The following NREP variants were observed in gnomAD, a reference collection of about 807,000 sequenced individuals.
NREP encodes neuronal regeneration related protein.
A neutral mutation model predicts 8.6 loss-of-function variants in NREP; 5 were observed. The ratio of observed to expected loss-of-function variants is 0.58; its 90% CI spans 0.30 to 1.22. The LOEUF (loss-of-function observed/expected upper bound fraction) is 1.22. Among genes scored for constraint, NREP ranks in the 50% most tolerant of loss-of-function variants. NREP has a pLI of 0.07. For synonymous variants in NREP, 27 were observed against 28.0 expected, an observed-to-expected ratio of 0.96 and a Z score of 0.11; for missense variants, 86 against 82.5, an observed-to-expected ratio of 1.04 and a Z score of -0.17.
chr5:111,883,269 C>T (rs988737039), intron 2 of NREP, among the ~76,000 whole-genome samples: 1 of 152,174 alleles, frequency 6.6e-6, no homozygotes, highest in Admixed American at 6.5e-5. Context: ...ATGAGAAGAG[C>T]TAACTATCCT....
intron 2 of NREP, among the ~76,000 whole-genome samples, chr5:111,889,163 C>T (rs542120169): frequency 1.3e-5 from 2 of 152,302 alleles, no homozygotes; most frequent in African/African-American, 4.8e-5. Context: ...GCAGGCTGTA[C>T]AGAAAGCATA....
chr5:111,944,589 G>T (rs1344063175), intron 2 of NREP, among the ~76,000 whole-genome samples: 1 of 152,168 alleles, frequency 6.6e-6, no homozygotes, highest in Non-Finnish European at 1.5e-5. Context: ...TTACAGGCAT[G>T]GGCCATGACA....
intron 2 of NREP, among the ~76,000 whole-genome samples, chr5:111,873,513 T>A (rs1027808307): frequency 1.3e-5 from 2 of 152,208 alleles, no homozygotes; most frequent in African/African-American, 4.8e-5. Flanking sequence ...TCTTGCTGGC[T>A]GTAAACTGAA....
At chr5:111,772,614 GCAA>G (rs1386879086) in intron 2 of NREP, among the ~76,000 whole-genome samples, 1 of 151,942 alleles carries the variant, frequency 6.6e-6, no homozygotes, top group Non-Finnish European at 1.5e-5. Flanking sequence ...CAGAGAAGCA[GCAA>G]CAAGTCCTCT....
chr5:111,827,992 A>C (rs1263226178), intron 2 of NREP, among the ~76,000 whole-genome samples: 1 of 152,056 alleles, frequency 6.6e-6, no homozygotes, highest in Non-Finnish European at 1.5e-5. Flanking sequence ...CACCTTTTGT[A>C]TTTTTAGGTA....
At chr5:111,866,868 C>T (rs1753677708) in intron 2 of NREP, among the ~76,000 whole-genome samples, 1 of 151,836 alleles carries the variant, frequency 6.6e-6, no homozygotes, top group South Asian at 2.1e-4. Flanking sequence ...AGCTGGAAAC[C>T]ATCATTCTCA....
chr5:111,952,148 C>T (rs1439079730), intron 2 of NREP, among the ~76,000 whole-genome samples: 1 of 152,074 alleles, frequency 6.6e-6, no homozygotes, highest in Non-Finnish European at 1.5e-5. Flanking sequence ...AGTGTTTTCC[C>T]AGAAGCCTTT....
downstream of NREP, chr5:111,729,023 G>A (rs1245631038): frequency 4.0e-5 from 6 of 150,674 alleles, no homozygotes; most frequent in African/African-American, 1.5e-4. Flanking sequence ...TGCCTTGGAA[G>A]GGAGAAAAAG....
intron 2 of NREP, among the ~76,000 whole-genome samples, chr5:111,752,487 T>A (rs1023669604): frequency 2.0e-5 from 3 of 152,208 alleles, no homozygotes; most frequent in African/African-American, 7.2e-5. Context: ...CTAAGCCCAA[T>A]GGTACAAGCT....
intron 2 of NREP, among the ~76,000 whole-genome samples, chr5:111,913,471 T>C (rs1480706319): frequency 6.6e-6 from 1 of 152,068 alleles, no homozygotes; most frequent in Non-Finnish European, 1.5e-5. Flanking sequence ...TATATTTTGA[T>C]GTGAGAAAAG....
chr5:111,793,308 A>G (rs1485582276), intron 2 of NREP, among the ~76,000 whole-genome samples: 1 of 152,160 alleles, frequency 6.6e-6, no homozygotes, highest in Non-Finnish European at 1.5e-5. Context: ...CGCCATCTGC[A>G]AGCTGGAGAA....
At chr5:111,904,998 ATCTC>A (rs143311439) in intron 2 of NREP, among the ~76,000 whole-genome samples, 1 of 150,792 alleles carries the variant, frequency 6.6e-6, no homozygotes, top group Non-Finnish European at 1.5e-5. Context: ...TATTCCCCAT[ATCTC>A]TCTCTCTCTC....
At chr5:111,956,107 G>C (rs193258787) in intron 2 of NREP, among the ~76,000 whole-genome samples, 2 of 152,022 alleles carry the variant, frequency 1.3e-5, no homozygotes, top group South Asian at 2.1e-4. Context: ...GGAACAGTGA[G>C]AGCCTCTACA....
intron 2 of NREP, among the ~76,000 whole-genome samples, chr5:111,948,412 A>T (rs886523971): frequency 2.6e-5 from 4 of 152,092 alleles, no homozygotes; most frequent in Non-Finnish European, 4.4e-5. Context: ...CTTCATTGTA[A>T]CTCAACTCTG....
intron 2 of NREP, among the ~76,000 whole-genome samples, chr5:111,866,216 C>G (rs1029581333): frequency 6.6e-6 from 1 of 152,014 alleles, no homozygotes; most frequent in African/African-American, 2.4e-5. Flanking sequence ...GAACAGGCAA[C>G]CTATAGAATG....
intron 2 of NREP, among the ~76,000 whole-genome samples, chr5:111,934,441 A>G (rs1755626836): frequency 6.6e-6 from 1 of 152,108 alleles, no homozygotes; most frequent in African/African-American, 2.4e-5. Context: ...AGAGGAGGAA[A>G]GAGAAAAGAA....
At chr5:111,916,220 TAG>T (rs1171361692) in intron 2 of NREP, among the ~76,000 whole-genome samples, 3 of 151,950 alleles carry the variant, frequency 2.0e-5, no homozygotes, top group Non-Finnish European at 2.9e-5. Context: ...ATGTTGATGA[TAG>T]AGAGAGAGTC....
chr5:111,812,014 A>G (rs1752281152), intron 2 of NREP, among the ~76,000 whole-genome samples: 2 of 152,182 alleles, frequency 1.3e-5, no homozygotes. Context: ...TTGGCTGGGC[A>G]TAGTGGTTCA....
chr5:111,852,278 C>CT (rs574894078), intron 2 of NREP, among the ~76,000 whole-genome samples: 43 of 115,546 alleles, frequency 3.7e-4, no homozygotes, highest in African/African-American at 1.0e-3. Flanking sequence ...CATGTATAGT[C>CT]TATTTTTTTG....
Sources: allele counts gnomAD v4.1 joint callset (sites outside exome capture counted in the v4.1 genomes callset), GRCh38; gene constraint gnomAD v4.1.1; transcripts MANE v1.5; gene names NCBI Gene and HGNC (gene_info 2026-07-23, HGNC 2026-07-21).